Variants in HPCAL1 observed in about 807,000 individuals in gnomAD.
HPCAL1 encodes hippocalcin-like protein 1.
A neutral mutation model predicts 17.1 loss-of-function variants in HPCAL1; 8 were observed. The observed-to-expected ratio is 0.47, with a 90% CI of 0.27 to 0.84. HPCAL1 has a LOEUF of 0.84. Among genes scored for constraint, HPCAL1 ranks in the 40% least tolerant of loss-of-function variants. The pLI, the probability that HPCAL1 is intolerant of heterozygous loss-of-function variation, is 0.13. For missense variants in HPCAL1, 165 were observed against 271.1 expected (o/e 0.61, Z 2.75); for synonymous variants, 112 against 111.4 (o/e 1.01, Z -0.03).
intron 2 of HPCAL1, among the ~76,000 whole-genome samples, chr2:10,417,804 G>A (rs1355165586): frequency 6.6e-6 from 1 of 152,168 alleles, no homozygotes; most frequent in South Asian, 2.1e-4. Flanking sequence ...CACATTGGGA[G>A]GTCAAGGTGG....
rs1227236707 is a variant in HPCAL1, at chr2:10,354,908, A to G, written c.-110-41927A>G. ...TCCTCATAGATCCTTCAATTCAACA[A>G]TTGAATTCAACAAGCCCCTGGGCAC... On this transcript the variant is annotated intron_variant, in intron 1 of 4. Transcript: ENST00000307845. The surrounding 1 kb of genome is among the most constrained non-coding windows in gnomAD (Gnocchi z 5.1). Among the ~76,000 whole-genome samples, 2 of 152,214 alleles carry G rather than the reference A, an allele frequency of 1.3e-5. No individual in the cohort carries two copies. The highest frequency in any genetic ancestry group is 2.9e-5 in the Non-Finnish European group (2 of 68,034).
rs576675248 is a variant in HPCAL1, at chr2:10,390,426, G to A, written c.-110-6409G>A. On this transcript the variant is annotated intron_variant, in intron 1 of 4. Transcript: ENST00000307845. ...GAGCAACTGTGCTTATCACCCGGAG[G>A]CCACAGTGGAATTAGTCATTTGAAA... Among the ~76,000 whole-genome samples the A allele has an allele frequency of 2.1e-4, 32 of 152,238 alleles. 2 individuals are homozygous for A. Among genetic ancestry groups the A allele is most frequent in the African/African-American group, 6.7e-4 (28 of 41,530 alleles).
chr2:10,385,236 G>T (rs1668232594), intron 1 of HPCAL1, among the ~76,000 whole-genome samples: 1 of 152,216 alleles, frequency 6.6e-6, no homozygotes, highest in Middle Eastern at 3.2e-3. Flanking sequence ...GCCTGGAGAG[G>T]CTGAGAATCT....
In HPCAL1 at chr2:10,400,728, G is replaced by A. The variant is rs573070366; in HGVS notation, c.-25+3808G>A. On this transcript the variant is annotated intron_variant, in intron 2 of 4. Coordinates refer to ENST00000307845, the MANE Select transcript of HPCAL1 (RefSeq NM_002149.4). ...CAGATCCTGTCTGACAAGCATTGTG[G>A]GCAGACACGTGCCTGCACACACGTA... 4.6e-5 allele frequency among the ~76,000 whole-genome samples: 7 copies of A among 152,170 alleles called. No individual in the cohort carries two copies. In the South Asian group the frequency reaches 1.5e-3, roughly 32 times the overall value.
At chr2:10,350,800 T>C (rs984341345) in intron 1 of HPCAL1, among the ~76,000 whole-genome samples, 1 of 152,152 alleles carries the variant, frequency 6.6e-6, no homozygotes, top group Non-Finnish European at 1.5e-5. Context: ...TCCAAAGATA[T>C]ACAAGTGGCC....
At chr2:10,326,472 G>A (rs1664025496) in intron 1 of HPCAL1, among the ~76,000 whole-genome samples, 1 of 152,216 alleles carries the variant, frequency 6.6e-6, no homozygotes, top group African/African-American at 2.4e-5. Context: ...GGCAGGCAGT[G>A]TTGGCTGGAG....
chr2:10,368,223 G>A (rs1666975495), intron 1 of HPCAL1, among the ~76,000 whole-genome samples: 1 of 148,268 alleles, frequency 6.7e-6, no homozygotes, highest in Non-Finnish European at 1.5e-5. Context: ...GTGTGCGTGT[G>A]TACACATATG....
chr2:10,327,405 G>A (rs1664083305), intron 1 of HPCAL1, among the ~76,000 whole-genome samples: 1 of 152,188 alleles, frequency 6.6e-6, no homozygotes, highest in South Asian at 2.1e-4. Context: ...AGCGTCAGGT[G>A]GGGGATTAGA....
At chr2:10,405,277 C>T (rs980177037) in intron 2 of HPCAL1, among the ~76,000 whole-genome samples, 3 of 152,220 alleles carry the variant, frequency 2.0e-5, no homozygotes, top group African/African-American at 7.2e-5. Context: ...ACTGCAGGCC[C>T]CTGAAGCTGG....
rs201366947 is a variant in HPCAL1 at position 10,420,155 on chromosome 2, C to T, written c.378+20C>T. The T allele has an allele frequency of 6.3e-6, 10 of 1,584,960 alleles. No individual in the cohort carries two copies. The South Asian group carries it at 7.9e-5, about 13-fold the overall frequency. On this transcript the variant is annotated intron_variant, in intron 3 of 4. Transcript: ENST00000307845. ...GTGCAGGTACCGGCGCCCGAGGCCCCGGGTCTCACCGCGGGCCCAGGTCCC... is the reference window on the plus strand; with the variant it reads ...GTGCAGGTACCGGCGCCCGAGGCCCTGGGTCTCACCGCGGGCCCAGGTCCC...
intron 1 of HPCAL1, among the ~76,000 whole-genome samples, chr2:10,308,275 G>A (rs1220585212): frequency 1.3e-5 from 2 of 152,108 alleles, no homozygotes; most frequent in African/African-American, 4.8e-5. Context: ...TACCAAGATA[G>A]AATTTATCTC....
chr2:10,405,993 TTGG>T (rs1669946442), intron 2 of HPCAL1, among the ~76,000 whole-genome samples: 1 of 152,224 alleles, frequency 6.6e-6, no homozygotes, highest in South Asian at 2.1e-4. Context: ...AGAATTATTC[TTGG>T]TGTTCTATGG....
rs764706111 is a variant in HPCAL1 at position 10,304,214 on chromosome 2, G to T, written c.-111+1037G>T. On this transcript the variant is annotated intron_variant, in intron 1 of 4. Coordinates refer to ENST00000307845, the MANE Select transcript of HPCAL1 (RefSeq NM_002149.4). The surrounding 1 kb of genome is among the most constrained non-coding windows in gnomAD (Gnocchi z 4.1). ...AGCCCCCAGGCTCCCGCGCAAGCGT[G>T]GGGGTCCCTCTCCTGGCCGGGAGGC... 1.3e-5 allele frequency among the ~76,000 whole-genome samples: 2 copies of T among 151,850 alleles called. No individual in the cohort carries two copies. Among genetic ancestry groups the T allele is most frequent in the Non-Finnish European group, 2.9e-5 (2 of 67,914 alleles).
rs187387777 is a variant in HPCAL1, at chr2:10,369,292, C to T, written c.-110-27543C>T. 56 of 152,332 alleles carry T rather than the reference C, an allele frequency of 3.7e-4. No individual in the cohort carries two copies. The East Asian group carries it at 7.9e-3, about 22-fold the overall frequency. The allele number at this position is 152,332 out of a possible 1,614,324, so 9.4% of individuals were successfully genotyped here. A position where few individuals can be genotyped will look rare whatever the true frequency, so the allele number is the denominator to read the frequency against. ...CTTAGAGTTTGTTGACCTCAGGGCT[C>T]ACATATCCCTTGTAAGGGGTTGTGA... On this transcript the variant is annotated intron_variant, in intron 1 of 4. Transcript: ENST00000307845.
rs540101808 is a variant in HPCAL1 at position 10,408,234 on chromosome 2, G to C, written c.-25+11314G>C. Among the ~76,000 whole-genome samples the C allele has an allele frequency of 4.6e-5, 7 of 152,026 alleles. No individual in the cohort carries two copies. In the South Asian group the frequency reaches 1.5e-3, roughly 32 times the overall value. On this transcript the variant is annotated intron_variant, in intron 2 of 4. Transcript: ENST00000307845. ...GGTGGAAAAGAAGGAGAGATTGGTA[G>C]AGGAAGGGGATTTCTGTGCCCTGCT...
At chr2:10,386,027 G>A (rs958865206) in intron 1 of HPCAL1, among the ~76,000 whole-genome samples, 5 of 152,136 alleles carry the variant, frequency 3.3e-5, no homozygotes, top group African/African-American at 7.2e-5. Flanking sequence ...TATTAATGTC[G>A]ATAACACAGC....
At chr2:10,364,390 G>A (rs1372851694) in intron 1 of HPCAL1, among the ~76,000 whole-genome samples, 1 of 152,158 alleles carries the variant, frequency 6.6e-6, no homozygotes, top group Non-Finnish European at 1.5e-5. Context: ...AATGACTGCC[G>A]ACATCAGGGA....
chr2:10,311,672 G>A (rs16855521), intron 1 of HPCAL1, among the ~76,000 whole-genome samples: 92,166 of 151,804 alleles, frequency 0.61, 28,355 homozygotes, highest in East Asian at 0.82. Flanking sequence ...GCCAGGGATC[G>A]CCAAGCAGTG....
intron 1 of HPCAL1, among the ~76,000 whole-genome samples, chr2:10,382,593 TAAAAA>T (rs70948887): frequency 2.0e-3 from 260 of 128,000 alleles, no homozygotes; most frequent in African/African-American, 7.4e-3. Flanking sequence ...GTTCATTAAT[TAAAAA>T]AAAAAAAAAA....
Sources: gnomAD v4.1 joint callset for allele counts (sites outside exome capture counted in the v4.1 genomes callset) on GRCh38, gnomAD v4.1.1 for gene constraint, Gnocchi (gnomAD v3.1) non-coding constraint, MANE v1.5 for transcripts, NCBI Gene and HGNC (gene_info 2026-07-23, HGNC 2026-07-21) for gene names.